PDCL: variants seen among roughly 807,000 people sequenced by gnomAD.
PDCL encodes phosducin-like protein.
Under a neutral mutation model 26.7 loss-of-function variants are expected in PDCL, and 11 were observed. The observed-to-expected ratio is 0.41, with a 90% CI of 0.26 to 0.68. The LOEUF is 0.68. Ranked by LOEUF, PDCL falls within the 30% of genes least tolerant of loss-of-function variation. PDCL has a pLI of 0.30. For missense variants in PDCL, 330 were observed against 371.6 expected (o/e 0.89, Z 0.92); for synonymous variants, 118 against 134.9 (o/e 0.87, Z 0.87).
intron 2 of PDCL, among the ~76,000 whole-genome samples, chr9:122,825,684 C>A (rs2131363862): frequency 6.6e-6 from 1 of 152,082 alleles, no homozygotes; most frequent in East Asian, 1.9e-4. Context: ...CTTTATAGCT[C>A]CCCAAGAAGA....
At chr9:122,823,322 G>A in intron 2 of PDCL, 125 bp from the exon 3 acceptor site, 4 of 908,888 alleles carry the variant, frequency 4.4e-6, no homozygotes, top group Non-Finnish European at 6.9e-6. Context: ...ATTATCATAG[G>A]GACTCTGTGT....
At chr9:122,823,284 G>A in intron 2 of PDCL, 87 bp from the exon 3 acceptor site, 1 of 1,282,844 alleles carries the variant, frequency 7.8e-7, no homozygotes, top group Non-Finnish European at 1.1e-6. Context: ...GTTCACATCT[G>A]CCTGAAGCTT....
At chr9:122,820,863 T>TG (rs1316044138) in intron 3 of PDCL, 2 of 463,156 alleles carry the variant, frequency 4.3e-6, no homozygotes, top group African/African-American at 4.1e-5. Context: ...GGCATGGTGG[T>TG]GTGCACCTGT....
In PDCL at chr9:122,819,870, A is replaced by T; in HGVS notation, c.*215T>A. 2.2e-6 allele frequency: 1 copy of T among 450,942 alleles called. No individual in the cohort carries two copies. The allele number at this position is 450,942 out of a possible 1,614,324, so 27.9% of individuals were successfully genotyped here. Reference sequence around the variant, plus strand: ...ACAGAATCTTAAGTAAACAGTTCAAAAGCCTGGCTTCCTGTTTATACAACT... The same window carrying T: ...ACAGAATCTTAAGTAAACAGTTCAATAGCCTGGCTTCCTGTTTATACAACT... On this transcript the variant is annotated 3_prime_UTR_variant, in exon 4 of 4. Coordinates refer to ENST00000259467, the MANE Select transcript of PDCL (RefSeq NM_005388.5).
At chr9:122,827,460 T>C (rs1381296603) in intron 1 of PDCL, among the ~76,000 whole-genome samples, 1 of 152,164 alleles carries the variant, frequency 6.6e-6, no homozygotes, top group Non-Finnish European at 1.5e-5. Flanking sequence ...GCGCAGGTAA[T>C]CCCAGCACTT....
At position 122,819,453 on chromosome 9, in the gene PDCL, A is replaced by C. The variant is rs1829526293; in HGVS notation, c.*632T>G. The C allele has an allele frequency of 6.6e-6, 1 of 152,180 alleles. No homozygotes were observed. The highest frequency in any genetic ancestry group is 1.5e-5 in the Non-Finnish European group (1 of 68,032). The allele number at this position is 152,180 out of a possible 1,614,324, so 9.4% of individuals were successfully genotyped here. ...TCCAGCTCTAATGTTTAAATCCATA[A>C]ACTACTTGTCTTCTAACATCACCAG... On this transcript the variant is annotated 3_prime_UTR_variant, in exon 4 of 4. Coordinates refer to ENST00000259467, the MANE Select transcript of PDCL (RefSeq NM_005388.5).
rs1223275713 is a variant in PDCL, at chr9:122,820,523, G to C, written c.468C>G (p.Pro156=). The change falls in exon 4 of 4, where the codon CCC becomes CCG. Residue 156 remains proline, a synonymous_variant. Transcript: ENST00000259467. ...EEMRQQLHKG[P]QFKQVFEISS... is the part of the protein sequence containing the mutation. ...AGATCTCAAAAACCTGCTTGAATTG[G>C]GGCCCCTTGTGAAGCTGCTGCCGCA... The C allele has an allele frequency of 1.2e-6, 2 of 1,613,836 alleles. No individual in the cohort carries two copies. The highest frequency in any genetic ancestry group is 2.7e-5 in the African/African-American group (2 of 74,820).
intron 3 of PDCL, among the ~76,000 whole-genome samples, chr9:122,821,661 T>G (rs1490708114): frequency 6.6e-6 from 1 of 152,164 alleles, no homozygotes; most frequent in Non-Finnish European, 1.5e-5. Context: ...TCTGTTCTAT[T>G]GCAGATAAAT....
In PDCL at chr9:122,820,497, G is replaced by A. The variant is rs1334885071; in HGVS notation, c.494C>T (p.Ser165Phe). The change falls in exon 4 of 4, where the codon TCC becomes TTC. Residue 165 changes from serine (S) to phenylalanine (F), a missense_variant. Coordinates refer to ENST00000259467, the MANE Select transcript of PDCL (RefSeq NM_005388.5). Reference sequence around the variant, plus strand: ...CATGTCTAAAAACCCTTCTCCACTGGAGATCTCAAAAACCTGCTTGAATTG... The same window carrying A: ...CATGTCTAAAAACCCTTCTCCACTGAAGATCTCAAAAACCTGCTTGAATTG... ...GPQFKQVFEI[S>F]SGEGFLDMID... is the part of the protein sequence containing the mutation. The A allele has an allele frequency of 3.1e-6, 5 of 1,613,954 alleles. No individual in the cohort carries two copies. The highest frequency in any genetic ancestry group is 1.6e-4 in the Middle Eastern group (1 of 6,062).
Position 122,826,741 on chromosome 9 carries a change from T to G in PDCL, c.47A>C (p.Tyr16Ser). The G allele has an allele frequency of 6.2e-7, 1 of 1,614,082 alleles. No individual in the cohort carries two copies. The highest frequency in any genetic ancestry group is 8.5e-7 in the Non-Finnish European group (1 of 1,179,986). The change falls in exon 2 of 4, where the codon TAC becomes TCC. Residue 16 changes from tyrosine to serine, a missense_variant. Transcript: ENST00000259467. ...DKLLGEKLQY[Y>S]YSSSEDEDSD... ...GTCCTCATCCTCACTGCTGCTATAGTAGTACTGCAGTTTCTCCCCCAGCAA... is the reference window on the plus strand; with the variant it reads ...GTCCTCATCCTCACTGCTGCTATAGGAGTACTGCAGTTTCTCCCCCAGCAA...
At chr9:122,825,598 G>C (rs1829614273) in intron 2 of PDCL, among the ~76,000 whole-genome samples, 1 of 151,814 alleles carries the variant, frequency 6.6e-6, no homozygotes, top group Non-Finnish European at 1.5e-5. Flanking sequence ...TCCAGGAAAA[G>C]AACAAAAGAA....
intron 3 of PDCL, among the ~76,000 whole-genome samples, chr9:122,821,474 T>C (rs1829553603): frequency 6.6e-6 from 1 of 152,282 alleles, no homozygotes; most frequent in East Asian, 1.9e-4. Context: ...CCAGTCATAC[T>C]AAAATAGTTT....
chr9:122,820,047 C>T lies in PDCL; in HGVS notation c.*38G>A. 6.6e-7 allele frequency: 1 copy of T among 1,517,336 alleles called. No homozygotes were observed. The allele number at this position is 1,517,336 out of a possible 1,614,324, so 94.0% of individuals were successfully genotyped here. ...AAATAAACAATGACGTGTATTCCAA[C>T]CCAAACAATGAGAAATCTATGCAAC... On this transcript the variant is annotated 3_prime_UTR_variant, in exon 4 of 4. Coordinates refer to ENST00000259467, the MANE Select transcript of PDCL (RefSeq NM_005388.5).
chr9:122,823,349 G>T, intron 2 of PDCL, 152 bp from the exon 3 acceptor site: 1 of 741,860 alleles, frequency 1.3e-6, no homozygotes, highest in Middle Eastern at 4.0e-4. Context: ...CCACAGGGCA[G>T]AGTGGCCTAT....
chr9:122,825,822 C>G (rs1423139521), intron 2 of PDCL, among the ~76,000 whole-genome samples: 1 of 152,166 alleles, frequency 6.6e-6, no homozygotes, highest in Non-Finnish European at 1.5e-5. Context: ...CTATGGGACG[C>G]TGAGGCAGAT....
intron 1 of PDCL, among the ~76,000 whole-genome samples, chr9:122,827,636 G>A (rs996690052): frequency 2.6e-5 from 4 of 152,152 alleles, no homozygotes; most frequent in Admixed American, 2.0e-4. Flanking sequence ...GGAGGCTGAG[G>A]CACGAGAATC....
intron 3 of PDCL, 57 bp from the exon 4 acceptor site, chr9:122,820,693 G>A (rs1564268045): frequency 6.9e-7 from 1 of 1,459,392 alleles, no homozygotes; most frequent in African/African-American, 1.4e-5. Context: ...CGTGATAACA[G>A]TTAATATGGG....
chr9:122,819,255 G>A lies in PDCL; in HGVS notation c.*830C>T, dbSNP rs2131360675. 6.7e-6 allele frequency: 1 copy of A among 148,614 alleles called. No homozygotes were observed. Among genetic ancestry groups the A allele is most frequent in the Non-Finnish European group, 1.5e-5 (1 of 67,416 alleles). The allele number at this position is 148,614 out of a possible 1,614,324, so 9.2% of individuals were successfully genotyped here. A position where few individuals can be genotyped will look rare whatever the true frequency, so the allele number is the denominator to read the frequency against. ...CTGTTTTGGTCAGTTTTCCTCTACT[G>A]AATATGAATTACTTTTCCAATATGA... On this transcript the variant is annotated 3_prime_UTR_variant, in exon 4 of 4. Coordinates refer to ENST00000259467, the MANE Select transcript of PDCL (RefSeq NM_005388.5).
At chr9:122,827,861 C>T (rs1201784575) in intron 1 of PDCL, among the ~76,000 whole-genome samples, 1 of 152,158 alleles carries the variant, frequency 6.6e-6, no homozygotes, top group Admixed American at 6.5e-5. Context: ...ATGCGGCTGC[C>T]TTAAAGACTT....
Sources: allele counts gnomAD v4.1 joint callset (sites outside exome capture counted in the v4.1 genomes callset), GRCh38; gene constraint gnomAD v4.1.1; transcripts MANE v1.5; gene names NCBI Gene and HGNC (gene_info 2026-07-23, HGNC 2026-07-21).